RASGRF2: variants seen among roughly 807,000 people sequenced by gnomAD.
The protein encoded by RASGRF2 is ras-specific guanine nucleotide-releasing factor 2.
Under a neutral mutation model 151.0 loss-of-function variants are expected in RASGRF2, and 76 were observed. That is an observed-to-expected ratio of 0.50 (90% CI 0.42 to 0.61). The LOEUF is 0.61. Ranked by LOEUF, RASGRF2 falls within the 20% of genes least tolerant of loss-of-function variation. The probability of loss-of-function intolerance (pLI) is 0.00; values close to 1 mark genes in which losing one functional copy is unlikely to be tolerated. For missense variants in RASGRF2, 1,148 were observed against 1,564.6 expected (o/e 0.73, Z 4.49); for synonymous variants, 504 against 566.5 (o/e 0.89, Z 1.57).
At position 81,107,712 on chromosome 5, in the gene RASGRF2, C is replaced by T. The variant is rs571264084; in HGVS notation, c.1756-1284C>T. On this transcript the variant is annotated intron_variant, in intron 12 of 26. Transcript: ENST00000265080. The stretch of plus-strand genomic sequence containing the variant: ...TTATTATATGTGTTTTTGTAATCCA[C>T]TCGTGGGATAAGGTGGAGCATAAAT... Among the ~76,000 whole-genome samples the T allele has an allele frequency of 5.6e-4, 86 of 152,296 alleles. 2 individuals are homozygous for T. Among genetic ancestry groups the T allele is most frequent in the African/African-American group, 2.0e-3 (84 of 41,560 alleles).
intron 2 of RASGRF2, among the ~76,000 whole-genome samples, chr5:81,044,449 T>G (rs951545912): frequency 2.6e-5 from 4 of 151,994 alleles, no homozygotes; most frequent in Non-Finnish European, 5.9e-5. Flanking sequence ...GAGGTATTTA[T>G]TCTGAGTGAG....
intron 9 of RASGRF2, chr5:81,087,296 C>T (rs906097082): frequency 2.8e-6 from 2 of 702,968 alleles, no homozygotes; most frequent in African/African-American, 3.5e-5. Context: ...GATACCCAGG[C>T]CAAGGCCCAG....
chr5:80,987,352 C>G (rs919696178), intron 1 of RASGRF2, among the ~76,000 whole-genome samples: 1 of 152,170 alleles, frequency 6.6e-6, no homozygotes, highest in African/African-American at 2.4e-5. Context: ...ACAGTTTACC[C>G]TAGGCTAAGC....
intron 1 of RASGRF2, 73 bp downstream of exon 1, chr5:80,961,099 C>T: frequency 7.3e-7 from 1 of 1,376,002 alleles, no homozygotes; most frequent in Admixed American, 3.0e-5. Context: ...ATCCGGGGAT[C>T]AGGGGTCGGG....
At chr5:81,113,277 C>T (rs892739916) in intron 14 of RASGRF2, 54 of 542,344 alleles carry the variant, frequency 1.0e-4, no homozygotes, top group South Asian at 6.0e-4. Flanking sequence ...GAGTTCTGAA[C>T]GTCTAACAAG....
At chr5:80,994,608 C>T (rs1748773207) in intron 1 of RASGRF2, among the ~76,000 whole-genome samples, 1 of 152,162 alleles carries the variant, frequency 6.6e-6, no homozygotes, top group Non-Finnish European at 1.5e-5. Context: ...CCATACATCT[C>T]ACAGATACGT....
intron 15 of RASGRF2, among the ~76,000 whole-genome samples, chr5:81,118,805 AG>A (rs1366270657): frequency 1.3e-5 from 2 of 152,060 alleles, no homozygotes; most frequent in African/African-American, 2.4e-5. Flanking sequence ...TTCTTCCACC[AG>A]GTATCCTAGT....
chr5:81,089,337 C>T lies in RASGRF2; in HGVS notation c.1390+2384C>T, dbSNP rs553258072. ...ATGATATGTGGTCTATTTCTATGTG[C>T]GTGTGTGTGTGTGTGCATGCGTGCA... is the stretch of plus-strand genomic sequence containing the variant. On this transcript the variant is annotated intron_variant, in intron 9 of 26. Coordinates refer to ENST00000265080, the MANE Select transcript of RASGRF2 (RefSeq NM_006909.3). Among the ~76,000 whole-genome samples the T allele has an allele frequency of 3.3e-5, 5 of 150,252 alleles. 1 individual carries two copies. Among genetic ancestry groups the T allele is most frequent in the African/African-American group, 1.2e-4 (5 of 41,056 alleles).
At chr5:81,091,789 G>T (rs1015046230) in intron 9 of RASGRF2, among the ~76,000 whole-genome samples, 22 of 152,054 alleles carry the variant, frequency 1.4e-4, no homozygotes, top group African/African-American at 4.8e-4. Flanking sequence ...GGAAAATAAG[G>T]TTGTCTACAA....
chr5:81,183,388 G>GT, intron 18 of RASGRF2: 1 of 885,690 alleles, frequency 1.1e-6, no homozygotes, highest in South Asian at 5.2e-5. Flanking sequence ...GAAGTGTGGG[G>GT]TTAGGGGTTG....
intron 1 of RASGRF2, among the ~76,000 whole-genome samples, chr5:81,007,492 C>T (rs2112305773): frequency 6.6e-6 from 1 of 152,196 alleles, no homozygotes; most frequent in South Asian, 2.1e-4. Context: ...ACACTGGCAC[C>T]AAGTGTTTAG....
At chr5:81,003,417 G>GT (rs1371593323) in intron 1 of RASGRF2, among the ~76,000 whole-genome samples, 1 of 152,104 alleles carries the variant, frequency 6.6e-6, no homozygotes, top group Non-Finnish European at 1.5e-5. Context: ...TAGAGACAGG[G>GT]TTTCACCAGG....
At chr5:81,016,801 C>G (rs967592601) in intron 1 of RASGRF2, among the ~76,000 whole-genome samples, 1 of 152,122 alleles carries the variant, frequency 6.6e-6, no homozygotes. Context: ...AATTTCTACT[C>G]TATGTGTTGT....
chr5:80,982,118 G>A (rs1433938959), intron 1 of RASGRF2, among the ~76,000 whole-genome samples: 1 of 152,170 alleles, frequency 6.6e-6, no homozygotes, highest in Non-Finnish European at 1.5e-5. Context: ...TCTCAACTCT[G>A]GTGGCTCTTA....
chr5:81,115,099 CA>C (rs1254298188), intron 15 of RASGRF2, among the ~76,000 whole-genome samples: 3 of 152,086 alleles, frequency 2.0e-5, no homozygotes, highest in Non-Finnish European at 4.4e-5. Flanking sequence ...GGCAATAAAT[CA>C]GACAAAGTGT....
At chr5:81,043,284 T>G (rs1372519264) in intron 2 of RASGRF2, among the ~76,000 whole-genome samples, 1 of 152,120 alleles carries the variant, frequency 6.6e-6, no homozygotes. Flanking sequence ...TTGAATGTAT[T>G]GACTCACTCT....
At chr5:81,050,769 C>T (rs1202426795) in intron 2 of RASGRF2, among the ~76,000 whole-genome samples, 1 of 152,156 alleles carries the variant, frequency 6.6e-6, no homozygotes, top group African/African-American at 2.4e-5. Flanking sequence ...TCGCTCGAAG[C>T]ACCTAAGAAA....
chr5:81,121,677 T>A (rs1279284165), intron 15 of RASGRF2, among the ~76,000 whole-genome samples: 1 of 152,188 alleles, frequency 6.6e-6, no homozygotes, highest in Non-Finnish European at 1.5e-5. Context: ...CTCTTCTCAT[T>A]ACCAGTCAGT....
chr5:81,113,718 A>G lies in RASGRF2; in HGVS notation c.2268A>G (p.Gly756=). 1.2e-6 allele frequency: 2 copies of G among 1,613,820 alleles called. No homozygotes were observed. Among genetic ancestry groups the G allele is most frequent in the East Asian group, 4.5e-5 (2 of 44,868 alleles). Residue 756 remains glycine, a synonymous_variant, in exon 15 of 27, where the codon GGA becomes GGG. Transcript: ENST00000265080. ...CTTCTCCCTTGAACTCAAAGATAGG[A>G]GCATTGGACCTGACAACTTCCAGCA... ...SLTSPLNSKI[G]ALDLTTSSSP...
Sources: allele counts gnomAD v4.1 joint callset (sites outside exome capture counted in the v4.1 genomes callset), GRCh38; gene constraint gnomAD v4.1.1; transcripts MANE v1.5; gene names NCBI Gene and HGNC (gene_info 2026-07-23, HGNC 2026-07-21).